The following CR1L variants were observed in gnomAD, a reference collection of about 807,000 sequenced individuals.
The protein encoded by CR1L is complement component receptor 1-like protein.
In CR1L, 59 loss-of-function variants were observed where a neutral mutation model predicts 62.3. The observed-to-expected ratio is 0.95, with a 90% CI of 0.77 to 1.18. The LOEUF is 1.18. Among genes scored for constraint, CR1L ranks in the 50% most tolerant of loss-of-function variants. CR1L has a pLI of 0.00. For missense variants in CR1L, 700 were observed against 702.8 expected, an observed-to-expected ratio of 1.00 and a Z score of 0.04; for synonymous variants, 279 against 248.7, an observed-to-expected ratio of 1.12 and a Z score of -1.15.
chr1:207,655,236 TC>T, intron 1 of CR1L: 1 of 710,294 alleles, frequency 1.4e-6, no homozygotes, highest in Non-Finnish European at 2.4e-6. Context: ...ACTTAAAGGA[TC>T]AGTAGCAGTT....
intron 1 of CR1L, among the ~76,000 whole-genome samples, chr1:207,667,326 T>C (rs531292895): frequency 6.6e-6 from 1 of 152,344 alleles, no homozygotes; most frequent in South Asian, 2.1e-4. Context: ...TTGAAAAGAC[T>C]GACTCCTTCT....
intron 1 of CR1L, among the ~76,000 whole-genome samples, chr1:207,657,633 G>C (rs1325687470): frequency 2.0e-5 from 3 of 152,132 alleles, no homozygotes; most frequent in Non-Finnish European, 4.4e-5. Context: ...AATAAGAAAG[G>C]TGGTTCTTGT....
chr1:207,689,778 A>T (rs1252732989), intron 4 of CR1L, among the ~76,000 whole-genome samples: 1 of 152,038 alleles, frequency 6.6e-6, no homozygotes, highest in African/African-American at 2.4e-5. Context: ...TAAATTAGTG[A>T]TTCAATTTCT....
At chr1:207,669,876 C>T (rs1257065089) in intron 1 of CR1L, among the ~76,000 whole-genome samples, 1 of 151,304 alleles carries the variant, frequency 6.6e-6, no homozygotes, top group Non-Finnish European at 1.5e-5. Context: ...TATTCACAGC[C>T]TCGGCTGGCT....
chr1:207,723,371 A>G (rs1010177405), intron 11 of CR1L, among the ~76,000 whole-genome samples: 5 of 149,112 alleles, frequency 3.4e-5, no homozygotes, highest in African/African-American at 1.2e-4. Flanking sequence ...CAGAGGTCGC[A>G]GTGAGGTTGC....
chr1:207,707,059 G>GTA (rs1664278937), intron 9 of CR1L, among the ~76,000 whole-genome samples: 1 of 152,164 alleles, frequency 6.6e-6, no homozygotes, highest in Non-Finnish European at 1.5e-5. Context: ...TATGTATCAA[G>GTA]TGTATATATC....
rs183089629 is a variant in CR1L, at chr1:207,718,503, C to A, written c.1642+812C>A. On this transcript the variant is annotated intron_variant, in intron 11 of 11. Transcript: ENST00000508064. Reference sequence around the variant, plus strand: ...ATGGCACAAACTCGGCTCAATGCAACCCCCGCCTCCTGGGTTTGAGCAATT... The same window carrying A: ...ATGGCACAAACTCGGCTCAATGCAAACCCCGCCTCCTGGGTTTGAGCAATT... Among the ~76,000 whole-genome samples the A allele has an allele frequency of 3.3e-3, 505 of 152,252 alleles. 9 individuals are homozygous for A. The highest frequency in any genetic ancestry group is 0.025 in the Admixed American group (375 of 15,292).
chr1:207,710,954 T>C (rs1044857863), intron 10 of CR1L: 11 of 701,560 alleles, frequency 1.6e-5, no homozygotes, highest in Non-Finnish European at 2.4e-5. Context: ...CACTCATGCA[T>C]ATGTGTCTTC....
At chr1:207,690,172 CTTGATA>C (rs775092719) in intron 4 of CR1L, among the ~76,000 whole-genome samples, 4 of 151,946 alleles carry the variant, frequency 2.6e-5, no homozygotes, top group Admixed American at 6.6e-5. Flanking sequence ...CTCCTAAATT[CTTGATA>C]TTGATTAGAT....
At chr1:207,700,614 G>A (rs1334540857) in intron 8 of CR1L, among the ~76,000 whole-genome samples, 1 of 152,328 alleles carries the variant, frequency 6.6e-6, no homozygotes, top group Middle Eastern at 3.4e-3. Flanking sequence ...ATAATGGCCT[G>A]AATATGTTTC....
chr1:207,677,621 T>C, intron 2 of CR1L, 53 bp downstream of exon 2: 1 of 1,566,420 alleles, frequency 6.4e-7, no homozygotes, highest in Non-Finnish European at 8.7e-7. Context: ...CTGTAAGATC[T>C]GATTCAATTT....
chr1:207,697,765 T>A lies in CR1L; in HGVS notation c.1040-6T>A. 6.2e-7 allele frequency: 1 copy of A among 1,614,066 alleles called. No individual in the cohort carries two copies. The highest frequency in any genetic ancestry group is 8.5e-7 in the Non-Finnish European group (1 of 1,179,902). On this transcript the variant is annotated splice_polypyrimidine_tract_variant and splice_region_variant and intron_variant, in intron 6 of 11. Coordinates refer to ENST00000508064, the MANE Select transcript of CR1L (RefSeq NM_175710.2). ...GTTATTTCTGTTCGTTTTTCTTTTT[T>A]TCCAGTGAAATCCTGTGATGACTTC...
At chr1:207,646,626 G>C (rs1440576451) in intron 1 of CR1L, among the ~76,000 whole-genome samples, 1 of 144,018 alleles carries the variant, frequency 6.9e-6, no homozygotes, top group African/African-American at 2.6e-5. Context: ...TGGGAGGATC[G>C]CTTGAGCCCA....
intron 9 of CR1L, among the ~76,000 whole-genome samples, chr1:207,707,096 TTAAATTCC>T: frequency 6.6e-6 from 1 of 152,328 alleles, no homozygotes; most frequent in Middle Eastern, 3.4e-3. Flanking sequence ...ACATATAAAA[TTAAATTCC>T]TAATTGGAAA....
chr1:207,699,796 T>C (rs1000505090), intron 8 of CR1L, among the ~76,000 whole-genome samples: 1 of 152,218 alleles, frequency 6.6e-6, no homozygotes, highest in South Asian at 2.1e-4. Context: ...ACTGGAGTTA[T>C]AGCAATGAAC....
intron 11 of CR1L, among the ~76,000 whole-genome samples, chr1:207,723,376 G>A (rs1423435977): frequency 2.0e-5 from 3 of 151,272 alleles, no homozygotes; most frequent in Non-Finnish European, 4.4e-5. Flanking sequence ...GTCGCAGTGA[G>A]GTTGCACCAC....
At chr1:207,659,067 CT>C (rs1428126577) in intron 1 of CR1L, 2 of 152,884 alleles carry the variant, frequency 1.3e-5, no homozygotes, top group Non-Finnish European at 2.9e-5. Flanking sequence ...GCCGCCCCAC[CT>C]CCCAGCTCCA....
intron 1 of CR1L, among the ~76,000 whole-genome samples, chr1:207,673,968 T>G (rs1224829822): frequency 2.6e-5 from 4 of 152,212 alleles, no homozygotes. Flanking sequence ...ATTTATACAA[T>G]TGAATATTAC....
intron 9 of CR1L, among the ~76,000 whole-genome samples, chr1:207,702,691 A>T (rs1410143938): frequency 6.6e-6 from 1 of 152,250 alleles, no homozygotes; most frequent in East Asian, 1.9e-4. Context: ...ACAAGATCAA[A>T]CTAGACATAT....
Sources: gnomAD v4.1 joint callset for allele counts (sites outside exome capture counted in the v4.1 genomes callset) on GRCh38, gnomAD v4.1.1 for gene constraint, MANE v1.5 for transcripts, NCBI Gene and HGNC (gene_info 2026-07-23, HGNC 2026-07-21) for gene names.